SEMA3C: variants seen among roughly 807,000 people sequenced by gnomAD.
SEMA3C encodes the protein semaphorin-3C.
In SEMA3C, 47 loss-of-function variants were observed where a neutral mutation model predicts 89.4. The observed-to-expected ratio is 0.53, with a 90% confidence interval of 0.42 to 0.67. The LOEUF (loss-of-function observed/expected upper bound fraction) is 0.67. SEMA3C is among the 30% of genes least tolerant of loss of function. The pLI is 0.00. For missense variants in SEMA3C, 839 were observed against 929.1 expected, an observed-to-expected ratio of 0.90 and a Z score of 1.26; for synonymous variants, 310 against 320.2, an observed-to-expected ratio of 0.97 and a Z score of 0.34.
chr7:80,838,109 T>C (rs1397573911), intron 2 of SEMA3C, among the ~76,000 whole-genome samples: 1 of 152,154 alleles, frequency 6.6e-6, no homozygotes, highest in African/African-American at 2.4e-5. Context: ...AATCATGGTT[T>C]ACATGAAATA....
At chr7:80,869,186 C>T (rs1196004707) in intron 2 of SEMA3C, among the ~76,000 whole-genome samples, 1 of 152,184 alleles carries the variant, frequency 6.6e-6, no homozygotes, top group Non-Finnish European at 1.5e-5. Context: ...CCCTACTCCT[C>T]TTCCACACAC....
intron 2 of SEMA3C, 36 bp from the exon 3 acceptor site, chr7:80,828,781 T>C (rs886282910): frequency 6.8e-7 from 1 of 1,460,846 alleles, no homozygotes. Context: ...AGATACAGTA[T>C]CCTGGTTCTA....
intron 10 of SEMA3C, 62 bp from the exon 11 acceptor site, chr7:80,798,298 AT>A (rs1261061383): frequency 8.1e-6 from 10 of 1,241,314 alleles, no homozygotes; most frequent in African/African-American, 1.6e-5. Context: ...AATTTAAAAA[AT>A]ATATGGTAAA....
At chr7:80,750,471 T>TACACACACACAC (rs1450069681) in intron 16 of SEMA3C, among the ~76,000 whole-genome samples, 58 of 52,388 alleles carry the variant, frequency 1.1e-3, no homozygotes, top group Non-Finnish European at 1.7e-3. Context: ...TATATATATA[T>TACACACACACAC]ATACACACAC....
chr7:80,810,532 T>C (rs1789442757), intron 6 of SEMA3C, 79 bp downstream of exon 6: 1 of 1,093,978 alleles, frequency 9.1e-7, no homozygotes, highest in South Asian at 1.3e-5. Context: ...CACACAACCA[T>C]CAAGAATAGG....
At chr7:80,826,354 T>C (rs1789873060) in intron 4 of SEMA3C, among the ~76,000 whole-genome samples, 1 of 152,198 alleles carries the variant, frequency 6.6e-6, no homozygotes, top group Non-Finnish European at 1.5e-5. Flanking sequence ...AGGTGGTCTA[T>C]TACTTGTTAT....
chr7:80,862,161 T>C (rs980840041), intron 2 of SEMA3C, among the ~76,000 whole-genome samples: 1 of 152,128 alleles, frequency 6.6e-6, no homozygotes. Flanking sequence ...CTGTCACTGT[T>C]TGCTGATGAT....
At chr7:80,753,675 G>C (rs933734683) in intron 15 of SEMA3C, among the ~76,000 whole-genome samples, 3 of 152,096 alleles carry the variant, frequency 2.0e-5, no homozygotes, top group African/African-American at 7.2e-5. Flanking sequence ...CTTGGAATTT[G>C]GTTCAAGTTT....
At chr7:80,821,016 G>A (rs140715694) in intron 4 of SEMA3C, among the ~76,000 whole-genome samples, 342 of 152,136 alleles carry the variant, frequency 2.2e-3, no homozygotes, top group African/African-American at 7.4e-3. Flanking sequence ...ATAACATCTC[G>A]TTTATATTTC....
intron 2 of SEMA3C, chr7:80,847,373 C>A (rs566258110): frequency 6.6e-6 from 1 of 152,228 alleles, no homozygotes; most frequent in Admixed American, 6.5e-5. Flanking sequence ...AGTAAATTTC[C>A]AGGTAAATAA....
intron 4 of SEMA3C, among the ~76,000 whole-genome samples, chr7:80,820,163 T>C (rs1248956258): frequency 2.0e-5 from 3 of 151,538 alleles, no homozygotes; most frequent in African/African-American, 7.3e-5. Flanking sequence ...GTTCAAGTGA[T>C]TCTCCTGCCT....
At chr7:80,828,312 C>G (rs1789923737) in intron 3 of SEMA3C, among the ~76,000 whole-genome samples, 1 of 151,982 alleles carries the variant, frequency 6.6e-6, no homozygotes, top group African/African-American at 2.4e-5. Flanking sequence ...ATGCACTACC[C>G]TATAATCCCT....
chr7:80,745,036 A>C lies in SEMA3C; in HGVS notation c.2114T>G (p.Ile705Ser). Residue 705 changes from isoleucine to serine, a missense_variant, in exon 18 of 18, where the codon ATT (isoleucine) becomes AGT (serine). By Grantham distance (142) the Ile-to-Ser change is moderately radical. Coordinates refer to ENST00000265361, the MANE Select transcript of SEMA3C (RefSeq NM_006379.5). ...CCGAGTGTCTTTGCAATATTGGTTA[A>C]TCATCTGCATTTCTGAGTGGCTGAA... ...GAFSHSEMQM[I>S]NQYCKDTRQQ... 1.2e-6 allele frequency: 2 copies of C among 1,614,048 alleles called. No individual in the cohort carries two copies. Among genetic ancestry groups the C allele is most frequent in the Non-Finnish European group, 1.7e-6 (2 of 1,179,986 alleles).
chr7:80,822,875 G>C (rs2115786366), intron 4 of SEMA3C, among the ~76,000 whole-genome samples: 1 of 152,266 alleles, frequency 6.6e-6, no homozygotes, highest in South Asian at 2.1e-4. Context: ...GAAATGGTCA[G>C]GGCATCTGTC....
chr7:80,916,946 G>A (rs1466549702), intron 1 of SEMA3C, 127 bp from the exon 2 acceptor site: 1 of 650,914 alleles, frequency 1.5e-6, no homozygotes, highest in Non-Finnish European at 2.5e-6. Flanking sequence ...AATGCAAACA[G>A]TAGGAGGTGC....
At chr7:80,922,387 GTTAC>G (rs1432204906), upstream of SEMA3C, 9 of 949,396 alleles carry the variant, frequency 9.5e-6, no homozygotes, top group Non-Finnish European at 5.8e-6. Context: ...ACTTCCAATG[GTTAC>G]TTACTTTATT....
chr7:80,777,974 C>T (rs1412631068), intron 12 of SEMA3C, among the ~76,000 whole-genome samples: 1 of 151,990 alleles, frequency 6.6e-6, no homozygotes, highest in African/African-American at 2.4e-5. Context: ...GGTGTCTGTC[C>T]TCATAAAAAT....
rs115535315 is a variant in SEMA3C, at chr7:80,913,865, A to C, written c.103+2814T>G. Among the ~76,000 whole-genome samples, 938 of 152,284 alleles carry C rather than the reference A, an allele frequency of 6.2e-3. 7 individuals are homozygous for C. Among genetic ancestry groups the C allele is most frequent in the African/African-American group, 0.021 (884 of 41,542 alleles). The stretch of plus-strand genomic sequence containing the variant: ...ATTTCACCACAAGAAAAAGGGATGG[A>C]ACATGAATGGGAGAAGAGACTCATT... On this transcript the variant is annotated intron_variant, in intron 2 of 17. Transcript: ENST00000265361.
intron 2 of SEMA3C, among the ~76,000 whole-genome samples, chr7:80,909,678 T>G: frequency 6.6e-6 from 1 of 152,256 alleles, no homozygotes; most frequent in South Asian, 2.1e-4. Context: ...TTCTAGGGAT[T>G]GACTAAGGGG....
Sources: gnomAD v4.1 joint callset for allele counts (sites outside exome capture counted in the v4.1 genomes callset) on GRCh38, gnomAD v4.1.1 for gene constraint, MANE v1.5 for transcripts, NCBI Gene and HGNC (gene_info 2026-07-23, HGNC 2026-07-21) for gene names.